The following B3GALT5 variants were observed in gnomAD, a reference collection of about 807,000 sequenced individuals.
B3GALT5 encodes beta-1,3-galactosyltransferase 5.
For missense variants in B3GALT5, 328 were observed against 396.6 expected (o/e 0.83, Z 1.47); for synonymous variants, 156 against 158.6 (o/e 0.98, Z 0.12).
At chr21:39,630,913 G>A (rs1275356179) in intron 1 of B3GALT5, among the ~76,000 whole-genome samples, 4 of 152,038 alleles carry the variant, frequency 2.6e-5, no homozygotes, top group South Asian at 2.1e-4. Flanking sequence ...AATAAAAATC[G>A]ATTGGGGGAA....
intron 2 of B3GALT5, among the ~76,000 whole-genome samples, chr21:39,659,376 G>T (rs190101474): frequency 6.6e-6 from 1 of 152,270 alleles, no homozygotes; most frequent in East Asian, 1.9e-4. Flanking sequence ...GTTAAGAATT[G>T]GATTTATTCT....
intron 1 of B3GALT5, among the ~76,000 whole-genome samples, chr21:39,639,982 A>C (rs1280356983): frequency 2.0e-5 from 3 of 151,642 alleles, no homozygotes; most frequent in African/African-American, 7.3e-5. Flanking sequence ...GTAAATAAAT[A>C]ACTGTAAAAT....
chr21:39,615,544 G>T (rs1602249771), intron 1 of B3GALT5, among the ~76,000 whole-genome samples: 1 of 152,342 alleles, frequency 6.6e-6, no homozygotes, highest in East Asian at 1.9e-4. Context: ...GGTAAACAGA[G>T]TGGCTGATCA....
chr21:39,612,970 A>G lies in B3GALT5; in HGVS notation c.-489A>G. 6.6e-6 allele frequency: 1 copy of G among 151,380 alleles called. No individual in the cohort carries two copies. The highest frequency in any genetic ancestry group is 1.9e-4 in the East Asian group (1 of 5,156). The allele number at this position is 151,380 out of a possible 1,614,324, so 9.4% of individuals were successfully genotyped here. ...CGGCCTGGACCCAGCGCCTCCGGGGACCGGCCGCGCGCCCCCTGCGTCCGC... is the reference window on the plus strand; with the variant it reads ...CGGCCTGGACCCAGCGCCTCCGGGGGCCGGCCGCGCGCCCCCTGCGTCCGC... On this transcript the variant is annotated 5_prime_UTR_variant, in exon 1 of 4. Transcript: ENST00000684187.
chr21:39,636,880 G>A (rs1437321598), intron 1 of B3GALT5, among the ~76,000 whole-genome samples: 1 of 152,184 alleles, frequency 6.6e-6, no homozygotes. Flanking sequence ...ACGTGGTGGT[G>A]GAAGGGATCC....
chr21:39,635,846 GT>G (rs1338547069), intron 1 of B3GALT5, among the ~76,000 whole-genome samples: 1 of 152,176 alleles, frequency 6.6e-6, no homozygotes, highest in African/African-American at 2.4e-5. Context: ...TGGGATCTGT[GT>G]TTATTCACCT....
At chr21:39,613,166 G>C (rs2079089531) in intron 1 of B3GALT5, 99 bp downstream of exon 1, 1 of 150,198 alleles carries the variant, frequency 6.7e-6, no homozygotes, top group Non-Finnish European at 1.5e-5. Flanking sequence ...GGGCGCAGGG[G>C]ACCGCGGCGC....
intron 1 of B3GALT5, among the ~76,000 whole-genome samples, chr21:39,632,342 T>G (rs2079197523): frequency 1.3e-5 from 2 of 152,184 alleles, no homozygotes; most frequent in South Asian, 4.1e-4. Context: ...TGGTGACCTT[T>G]GGTATGTTCA....
intron 1 of B3GALT5, among the ~76,000 whole-genome samples, chr21:39,639,350 C>CTTTTT (rs1569212187): frequency 8.7e-5 from 9 of 103,394 alleles, no homozygotes; most frequent in African/African-American, 3.5e-4. Context: ...TTCTTTCTTT[C>CTTTTT]CTTCCTTCCT....
chr21:39,615,420 A>C (rs1042755819), intron 1 of B3GALT5, among the ~76,000 whole-genome samples: 2 of 152,258 alleles, frequency 1.3e-5, no homozygotes, highest in African/African-American at 4.8e-5. Flanking sequence ...GTGCAGGTGC[A>C]GTGAGATTCA....
intron 1 of B3GALT5, among the ~76,000 whole-genome samples, chr21:39,628,360 G>A (rs1448966115): frequency 2.0e-5 from 3 of 152,274 alleles, no homozygotes; most frequent in East Asian, 1.9e-4. Flanking sequence ...TCCATCACCC[G>A]AGTAACGTGT....
intron 1 of B3GALT5, among the ~76,000 whole-genome samples, chr21:39,640,557 G>A (rs982086902): frequency 6.6e-6 from 1 of 152,174 alleles, no homozygotes; most frequent in Non-Finnish European, 1.5e-5. Context: ...ATCCTTAAAA[G>A]TTCTCAGACA....
At position 39,672,655 on chromosome 21, in the gene B3GALT5, T is replaced by TGG. The variant is rs1164446005; in HGVS notation, c.*11164_*11165dup. ...TGATAATTCACTCTTCCCGAAAAATTGGCAAGGTAATGGTCTGAATCGGAC... is the reference window on the plus strand; with the variant it reads ...TGATAATTCACTCTTCCCGAAAAATTGGGGCAAGGTAATGGTCTGAATCGGAC... On this transcript the variant is annotated 3_prime_UTR_variant, in exon 4 of 4. Transcript: ENST00000684187. 3 of 152,228 alleles carry TGG rather than the reference T, an allele frequency of 2.0e-5. No individual in the cohort carries two copies. The East Asian group carries it at 5.8e-4, about 29-fold the overall frequency. 9.4% of individuals were successfully genotyped at this position (152,228 alleles called of 1,614,324 possible). A position where few individuals can be genotyped will look rare whatever the true frequency, so the allele number is the denominator to read the frequency against.
intron 1 of B3GALT5, among the ~76,000 whole-genome samples, chr21:39,628,527 G>A (rs894004880): frequency 3.9e-5 from 6 of 152,210 alleles, no homozygotes; most frequent in African/African-American, 1.4e-4. Flanking sequence ...GCACAAAACG[G>A]TGCCTAAGGA....
intron 1 of B3GALT5, among the ~76,000 whole-genome samples, chr21:39,628,748 C>T (rs932884943): frequency 9.2e-5 from 14 of 152,202 alleles, no homozygotes; most frequent in African/African-American, 2.7e-4. Flanking sequence ...ATATCTTGAG[C>T]AGATGTAAGT....
chr21:39,671,737 T>G lies in B3GALT5; in HGVS notation c.*10245T>G, dbSNP rs2079630138. The G allele has an allele frequency of 6.6e-6, 1 of 152,346 alleles. No individual in the cohort carries two copies. The highest frequency in any genetic ancestry group is 2.1e-4 in the South Asian group (1 of 4,828). 9.4% of individuals were successfully genotyped at this position (152,346 alleles called of 1,614,324 possible). A position where few individuals can be genotyped will look rare whatever the true frequency, so the allele number is the denominator to read the frequency against. On this transcript the variant is annotated 3_prime_UTR_variant, in exon 4 of 4. Coordinates refer to ENST00000684187, the MANE Select transcript of B3GALT5 (RefSeq NM_001356336.2). Reference sequence around the variant, plus strand: ...GGATATGAAAGGTGCTTACATTCTCTGTTGGGAATGTAGAGAGAAGGATTT... The same window carrying G: ...GGATATGAAAGGTGCTTACATTCTCGGTTGGGAATGTAGAGAGAAGGATTT...
chr21:39,619,574 T>G (rs1009390208), intron 1 of B3GALT5, among the ~76,000 whole-genome samples: 1 of 152,200 alleles, frequency 6.6e-6, no homozygotes, highest in Non-Finnish European at 1.5e-5. Context: ...CTTTATAATG[T>G]ATTTAGCTAT....
intron 2 of B3GALT5, among the ~76,000 whole-genome samples, chr21:39,653,568 C>T (rs1043924261): frequency 1.3e-5 from 2 of 152,236 alleles, no homozygotes; most frequent in Admixed American, 6.5e-5. Context: ...GCAGTTTCCC[C>T]GGGTACACCC....
chr21:39,635,734 C>T (rs2146194638), intron 1 of B3GALT5, among the ~76,000 whole-genome samples: 1 of 152,292 alleles, frequency 6.6e-6, no homozygotes, highest in South Asian at 2.1e-4. Flanking sequence ...CCCACCTCGG[C>T]CTCCCAAACT....
Sources: allele counts gnomAD v4.1 joint callset (sites outside exome capture counted in the v4.1 genomes callset), GRCh38; gene constraint gnomAD v4.1.1; transcripts MANE v1.5; gene names NCBI Gene and HGNC (gene_info 2026-07-23, HGNC 2026-07-21).